NEK11: variants seen among roughly 807,000 people sequenced by gnomAD.
NEK11 encodes serine/threonine-protein kinase Nek11.
In NEK11, 72 loss-of-function variants were observed where a neutral mutation model predicts 80.7. That is an observed-to-expected ratio of 0.89 (90% CI 0.74 to 1.08). The LOEUF (loss-of-function observed/expected upper bound fraction) is 1.08. NEK11 is among the 50% of genes least tolerant of loss of function. The probability of loss-of-function intolerance (pLI) is 0.00; values close to 1 mark genes in which losing one functional copy is unlikely to be tolerated. For synonymous variants in NEK11, 251 were observed against 260.7 expected (o/e 0.96, Z 0.36); for missense variants, 764 against 763.6 (o/e 1.00, Z -0.01).
At chr3:131,065,018 A>C (rs2071638653) in intron 3 of NEK11, among the ~76,000 whole-genome samples, 1 of 152,204 alleles carries the variant, frequency 6.6e-6, no homozygotes, top group African/African-American at 2.4e-5. Flanking sequence ...CAAAGGCATG[A>C]AAACCCTGGC....
At chr3:131,341,102 G>C (rs1293816694) in intron 17 of NEK11, among the ~76,000 whole-genome samples, 1 of 152,178 alleles carries the variant, frequency 6.6e-6, no homozygotes, top group Non-Finnish European at 1.5e-5. Context: ...AACAGCAAGA[G>C]AGTCCTCTTA....
At chr3:131,267,019 T>G (rs541069591) in intron 16 of NEK11, among the ~76,000 whole-genome samples, 25 of 152,342 alleles carry the variant, frequency 1.6e-4, no homozygotes, top group African/African-American at 5.8e-4. Flanking sequence ...ACACCTGCTT[T>G]TTTTTGCTTT....
chr3:131,109,796 A>G lies in NEK11; in HGVS notation c.337-7A>G. 1 of 1,579,324 alleles carries G rather than the reference A, an allele frequency of 6.3e-7. No individual in the cohort carries two copies. Among genetic ancestry groups the G allele is most frequent in the Non-Finnish European group, 8.5e-7 (1 of 1,169,742 alleles). ...AAAAATATGAAAGATTATGCTCTTC[A>G]TTTCAGGGCCGAGATCTGGACGATA... On this transcript the variant is annotated splice_polypyrimidine_tract_variant and splice_region_variant and intron_variant, in intron 4 of 17. Transcript: ENST00000383366.
intron 3 of NEK11, among the ~76,000 whole-genome samples, chr3:131,079,543 T>G (rs1320305535): frequency 1.3e-5 from 2 of 152,188 alleles, no homozygotes; most frequent in Non-Finnish European, 2.9e-5. Context: ...TCTAAAGTAT[T>G]TTTTCCTATA....
chr3:131,203,737 G>GTA (rs1298316929), intron 14 of NEK11, among the ~76,000 whole-genome samples: 8 of 114,250 alleles, frequency 7.0e-5, no homozygotes, highest in African/African-American at 1.7e-4. Context: ...TTATATATGT[G>GTA]TATATATATA....
intron 3 of NEK11, among the ~76,000 whole-genome samples, chr3:131,059,839 G>A (rs2070478365): frequency 6.6e-6 from 1 of 152,206 alleles, no homozygotes; most frequent in Non-Finnish European, 1.5e-5. Context: ...ATATGTAAAA[G>A]CAAAGTTGAT....
chr3:131,303,319 G>C (rs2096682917), intron 17 of NEK11, among the ~76,000 whole-genome samples: 1 of 152,112 alleles, frequency 6.6e-6, no homozygotes. Flanking sequence ...CATTTGGTCT[G>C]TTTACATTCA....
At chr3:131,200,634 T>A (rs1224996765) in intron 14 of NEK11, among the ~76,000 whole-genome samples, 1 of 152,234 alleles carries the variant, frequency 6.6e-6, no homozygotes, top group Non-Finnish European at 1.5e-5. Context: ...GAAAGGACTA[T>A]CAGGCCTCTC....
At chr3:131,338,036 G>A (rs1294774779) in intron 17 of NEK11, among the ~76,000 whole-genome samples, 1 of 152,008 alleles carries the variant, frequency 6.6e-6, no homozygotes, top group Non-Finnish European at 1.5e-5. Flanking sequence ...GCACGATCTT[G>A]GCTCACTGCA....
At chr3:131,086,034 AT>A (rs2075937790) in intron 4 of NEK11, among the ~76,000 whole-genome samples, 1 of 152,112 alleles carries the variant, frequency 6.6e-6, no homozygotes. Context: ...GAGGTTACAT[AT>A]TCTTGGCAAG....
intron 17 of NEK11, among the ~76,000 whole-genome samples, chr3:131,324,843 A>AGGTGTT (rs1333465533): frequency 6.6e-6 from 1 of 152,156 alleles, no homozygotes; most frequent in Admixed American, 6.5e-5. Context: ...CATAAAATGA[A>AGGTGTT]GGTGTTCGAT....
chr3:131,318,099 G>C (rs1331479398), intron 17 of NEK11, among the ~76,000 whole-genome samples: 1 of 152,032 alleles, frequency 6.6e-6, no homozygotes, highest in Non-Finnish European at 1.5e-5. Flanking sequence ...AGAATGATGG[G>C]AAAGAAAGGA....
chr3:131,111,567 A>G (rs946827773), intron 5 of NEK11, among the ~76,000 whole-genome samples: 4 of 152,174 alleles, frequency 2.6e-5, no homozygotes, highest in Non-Finnish European at 4.4e-5. Flanking sequence ...GCCATGCACC[A>G]TGGTGGATGT....
intron 5 of NEK11, among the ~76,000 whole-genome samples, chr3:131,128,573 T>C (rs933018907): frequency 1.3e-5 from 2 of 152,244 alleles, no homozygotes; most frequent in African/African-American, 4.8e-5. Context: ...GACACTTTTG[T>C]TGCTTTCAAG....
chr3:131,071,796 A>T (rs2073368093), intron 3 of NEK11, among the ~76,000 whole-genome samples: 1 of 152,134 alleles, frequency 6.6e-6, no homozygotes, highest in Non-Finnish European at 1.5e-5. Context: ...GATTCATATC[A>T]ATGCTCAAAT....
chr3:131,149,102 C>T (rs550821865), intron 7 of NEK11, among the ~76,000 whole-genome samples: 48 of 151,800 alleles, frequency 3.2e-4, no homozygotes, highest in South Asian at 1.5e-3. Flanking sequence ...TTACAGCAAC[C>T]GCCTTCTTTA....
At chr3:131,297,423 C>T (rs1329949094) in intron 17 of NEK11, among the ~76,000 whole-genome samples, 2 of 151,710 alleles carry the variant, frequency 1.3e-5, no homozygotes, top group African/African-American at 2.4e-5. Context: ...TGATGATGAG[C>T]ATTTTTTCAT....
At chr3:131,048,252 G>C (rs2067743093) in intron 3 of NEK11, among the ~76,000 whole-genome samples, 1 of 152,154 alleles carries the variant, frequency 6.6e-6, no homozygotes, top group Non-Finnish European at 1.5e-5. Context: ...TTCCCCACCT[G>C]CCGCAGCTTC....
intron 7 of NEK11, among the ~76,000 whole-genome samples, chr3:131,138,201 G>T (rs1182725759): frequency 6.6e-6 from 1 of 152,158 alleles, no homozygotes; most frequent in Non-Finnish European, 1.5e-5. Flanking sequence ...TGAGTTCCAG[G>T]CCTGGTGGTA....
Sources: gnomAD v4.1 joint callset for allele counts (sites outside exome capture counted in the v4.1 genomes callset) on GRCh38, gnomAD v4.1.1 for gene constraint, MANE v1.5 for transcripts, NCBI Gene and HGNC (gene_info 2026-07-23, HGNC 2026-07-21) for gene names.